MAF: variants seen among roughly 807,000 people sequenced by gnomAD.
MAF encodes the protein MAF bZIP transcription factor, also known as transcription factor Maf.
Under a neutral mutation model 22.0 loss-of-function variants are expected in MAF, and 10 were observed. The ratio of observed to expected loss-of-function variants is 0.45; its 90% CI spans 0.28 to 0.77. The LOEUF (loss-of-function observed/expected upper bound fraction) is 0.77. MAF is among the 30% of genes least tolerant of loss of function. MAF has a pLI of 0.12. For missense variants in MAF, 544 were observed against 548.4 expected (o/e 0.99, Z 0.08); for synonymous variants, 337 against 255.8 (o/e 1.32, Z -3.03).
chr16:79,365,785 TG>T, the MAF span, among the ~76,000 whole-genome samples: 1 of 152,182 alleles, frequency 6.6e-6, no homozygotes, highest in Admixed American at 6.5e-5. Flanking sequence ...CCTAGAACCA[TG>T]AAATTGTTGA....
chr16:79,373,308 G>A, the MAF span, among the ~76,000 whole-genome samples: 1 of 131,678 alleles, frequency 7.6e-6, no homozygotes, highest in Middle Eastern at 4.7e-3. Context: ...CCTGTTAAAT[G>A]AATTAATTCA....
chr16:79,250,233 C>G, the MAF span, among the ~76,000 whole-genome samples: 1 of 152,218 alleles, frequency 6.6e-6, no homozygotes, highest in African/African-American at 2.4e-5. Context: ...GCACTTTGAA[C>G]AAATATTTCT....
chr16:79,321,988 T>G, the MAF span, among the ~76,000 whole-genome samples: 1 of 152,092 alleles, frequency 6.6e-6, no homozygotes, highest in Non-Finnish European at 1.5e-5. Context: ...TCCCAGCACT[T>G]TGGGAGGCTG....
chr16:79,379,697 C>G, the MAF span, among the ~76,000 whole-genome samples: 1 of 152,164 alleles, frequency 6.6e-6, no homozygotes, highest in Non-Finnish European at 1.5e-5. Context: ...GAGTCTTGAT[C>G]TTTCTGCTCC....
the MAF span, among the ~76,000 whole-genome samples, chr16:79,268,879 C>G: frequency 6.6e-6 from 1 of 152,174 alleles, no homozygotes; most frequent in Non-Finnish European, 1.5e-5. Flanking sequence ...TGGTATAGCC[C>G]TGGGCAAGCC....
chr16:79,223,841 C>A, the MAF span, among the ~76,000 whole-genome samples: 2 of 152,130 alleles, frequency 1.3e-5, no homozygotes, highest in Non-Finnish European at 2.9e-5. Context: ...AGACCAATAA[C>A]AAGTTCTGAA....
chr16:79,244,175 T>C, the MAF span, among the ~76,000 whole-genome samples: 1 of 152,170 alleles, frequency 6.6e-6, no homozygotes, highest in East Asian at 1.9e-4. Flanking sequence ...ATGACCTCTC[T>C]CATTGCTCCT....
the MAF span, among the ~76,000 whole-genome samples, chr16:79,436,213 G>C: frequency 2.6e-5 from 4 of 152,088 alleles, no homozygotes; most frequent in African/African-American, 9.7e-5. Flanking sequence ...CTTTCAACCA[G>C]CTGGGACTAC....
chr16:79,309,618 T>C, the MAF span, among the ~76,000 whole-genome samples: 12 of 152,204 alleles, frequency 7.9e-5, no homozygotes, highest in Non-Finnish European at 1.5e-4. Context: ...GTTTCCACTT[T>C]AATACAGATT....
At chr16:79,485,474 C>T in the MAF span, among the ~76,000 whole-genome samples, 3 of 152,144 alleles carry the variant, frequency 2.0e-5, no homozygotes, top group Non-Finnish European at 4.4e-5. Context: ...TCCTTGAGGA[C>T]CAGAGCTGAG....
chr16:79,222,141 G>A, the MAF span, among the ~76,000 whole-genome samples: 1 of 152,022 alleles, frequency 6.6e-6, no homozygotes, highest in African/African-American at 2.4e-5. Flanking sequence ...AACCCTAAAA[G>A]CCAGAAGACC....
chr16:79,580,262 C>T, the MAF span, among the ~76,000 whole-genome samples: 42 of 152,146 alleles, frequency 2.8e-4, no homozygotes, highest in African/African-American at 9.9e-4. Context: ...AGGTCATGTG[C>T]TATTTCATGA....
In MAF at chr16:79,599,123, G is replaced by C; in HGVS notation, c.780C>G (p.Arg260=). ...HAAGGLHFDD[R]FSDEQLVTMS... ...TGGTCACCAGCTGCTCGTCGGAGAA[G>C]CGGTCGTCGAAGTGCAGGCCGCCGG... Residue 260 remains arginine (R), a synonymous_variant, in exon 1 of 2, where the codon CGC becomes CGG. Transcript: ENST00000326043. 6.3e-7 allele frequency: 1 copy of C among 1,593,596 alleles called. No homozygotes were observed.
At chr16:79,550,978 GC>G in the MAF span, among the ~76,000 whole-genome samples, 1 of 152,080 alleles carries the variant, frequency 6.6e-6, no homozygotes, top group Non-Finnish European at 1.5e-5. Flanking sequence ...TCCTTTGGAG[GC>G]CCCCGTGGCC....
the MAF span, among the ~76,000 whole-genome samples, chr16:79,396,979 C>A: frequency 4.6e-5 from 7 of 152,334 alleles, no homozygotes; most frequent in Non-Finnish European, 8.8e-5. Context: ...AAATATCTAC[C>A]ATGCTGTGGC....
chr16:79,212,065 G>C, the MAF span: 16 of 1,536,354 alleles, frequency 1.0e-5, no homozygotes, highest in African/African-American at 1.4e-5. Context: ...CCTGCTTGGT[G>C]TGTAGGTTCC....
chr16:79,419,850 C>G, the MAF span, among the ~76,000 whole-genome samples: 1 of 152,072 alleles, frequency 6.6e-6, no homozygotes, highest in East Asian at 1.9e-4. Flanking sequence ...CATTAACCAC[C>G]CTTACTTTGC....
downstream of MAF, among the ~76,000 whole-genome samples, chr16:79,583,186 C>T (rs186898980): frequency 6.6e-6 from 1 of 152,166 alleles, no homozygotes; most frequent in Non-Finnish European, 1.5e-5. Flanking sequence ...GAAGGACAGG[C>T]GTGCAAGATA....
At chr16:79,498,774 G>A in the MAF span, among the ~76,000 whole-genome samples, 2 of 152,212 alleles carry the variant, frequency 1.3e-5, no homozygotes, top group South Asian at 4.1e-4. Context: ...AGCCCAGTAA[G>A]CAAGTGCTTT....
Sources: allele counts gnomAD v4.1 joint callset (sites outside exome capture counted in the v4.1 genomes callset), GRCh38; gene constraint gnomAD v4.1.1; transcripts MANE v1.5; gene names NCBI Gene and HGNC (gene_info 2026-07-23, HGNC 2026-07-21).